SNU13: variants seen among roughly 807,000 people sequenced by gnomAD.
SNU13 encodes small nuclear ribonucleoprotein 13.
Under a neutral mutation model 12.4 loss-of-function variants are expected in SNU13, and 2 were observed. That is an observed-to-expected ratio of 0.16 (90% CI 0.07 to 0.51). The LOEUF is 0.51. Among genes scored for constraint, SNU13 ranks in the 20% least tolerant of loss-of-function variants. The pLI is 0.96. For missense variants in SNU13, 66 were observed against 157.8 expected (o/e 0.42, Z 3.12); for synonymous variants, 68 against 66.5 (o/e 1.02, Z -0.11).
chr22:41,674,172 TG>T lies in SNU13; in HGVS notation c.*760del, dbSNP rs2068189739. The T allele has an allele frequency of 6.6e-6, 1 of 152,492 alleles. No homozygotes were observed. The highest frequency in any genetic ancestry group is 1.5e-5 in the Non-Finnish European group (1 of 68,092). 9.4% of individuals were successfully genotyped at this position (152,492 alleles called of 1,614,324 possible). On this transcript the variant is annotated 3_prime_UTR_variant, in exon 3 of 3. Coordinates refer to ENST00000401959, the MANE Select transcript of SNU13 (RefSeq NM_001003796.2). ...ACCAGCCAGGTCTCCATGATCTTCCTGGAATCCTTCATGCCAGCATCAGTTC... is the reference window on the plus strand; with the variant it reads ...ACCAGCCAGGTCTCCATGATCTTCCTGAATCCTTCATGCCAGCATCAGTTC...
rs752590025 is a variant in SNU13 at position 41,674,893 on chromosome 22, G to A, written c.*40C>T. The A allele has an allele frequency of 6.9e-6, 11 of 1,601,540 alleles. No homozygotes were observed. Among genetic ancestry groups the A allele is most frequent in the East Asian group, 4.5e-5 (2 of 44,592 alleles). On this transcript the variant is annotated 3_prime_UTR_variant, in exon 3 of 3. Coordinates refer to ENST00000401959, the MANE Select transcript of SNU13 (RefSeq NM_001003796.2). ...CAGATAATATGATACACAACCTCAG[G>A]GGGGAAGCTGGCAGGGAGCACGTGG...
At chr22:41,675,425 CTTCT>C (rs2068203435) in intron 2 of SNU13, among the ~76,000 whole-genome samples, 2 of 151,836 alleles carry the variant, frequency 1.3e-5, no homozygotes, top group African/African-American at 2.4e-5. Context: ...ACTTCTTCTT[CTTCT>C]TTTTTTTTTT....
intron 2 of SNU13, among the ~76,000 whole-genome samples, chr22:41,679,331 T>C (rs187625303): frequency 5.9e-5 from 9 of 151,970 alleles, no homozygotes; most frequent in African/African-American, 1.9e-4. Context: ...CCAAGGCAGG[T>C]AGATCACCTG....
chr22:41,682,680 TCATA>T, intron 1 of SNU13: 1 of 726,642 alleles, frequency 1.4e-6, no homozygotes, highest in South Asian at 2.3e-5. Context: ...TTTCTCTTCC[TCATA>T]CATTTATTTA....
At chr22:41,679,169 G>T (rs1351794813) in intron 2 of SNU13, among the ~76,000 whole-genome samples, 1 of 152,144 alleles carries the variant, frequency 6.6e-6, no homozygotes, top group Non-Finnish European at 1.5e-5. Context: ...AGAATTTTGG[G>T]AGGCCAAGGC....
At chr22:41,688,893 A>C, upstream of SNU13, 1 of 1,488,284 alleles carries the variant, frequency 6.7e-7, no homozygotes. Flanking sequence ...GCAGCAGCGG[A>C]AATGGCCCCG....
intron 1 of SNU13, among the ~76,000 whole-genome samples, chr22:41,686,640 T>G (rs189484045): frequency 3.6e-4 from 55 of 151,146 alleles, no homozygotes; most frequent in Non-Finnish European, 6.9e-4. Flanking sequence ...GGATTTTTTT[T>G]TTCTTTGACA....
At chr22:41,683,886 G>C (rs1029974596) in intron 1 of SNU13, among the ~76,000 whole-genome samples, 1 of 151,886 alleles carries the variant, frequency 6.6e-6, no homozygotes, top group Non-Finnish European at 1.5e-5. Flanking sequence ...ACACACAGGA[G>C]TTTAGGAGCA....
upstream of SNU13, among the ~76,000 whole-genome samples, chr22:41,689,979 CAAA>C (rs770945331): frequency 4.1e-5 from 4 of 97,906 alleles, no homozygotes; most frequent in Admixed American, 1.1e-4. Flanking sequence ...AACTCGGTCT[CAAA>C]AAAAAAAAAA....
At chr22:41,675,657 A>G (rs1225810945) in intron 2 of SNU13, among the ~76,000 whole-genome samples, 1 of 150,748 alleles carries the variant, frequency 6.6e-6, no homozygotes, top group East Asian at 2.0e-4. Context: ...CCTGACCTCA[A>G]GTGATCCACC....
At chr22:41,687,203 C>T (rs1361239812) in intron 1 of SNU13, among the ~76,000 whole-genome samples, 1 of 151,936 alleles carries the variant, frequency 6.6e-6, no homozygotes, top group East Asian at 1.9e-4. Context: ...ATGATCCACC[C>T]GCCTCAGCCT....
intron 1 of SNU13, chr22:41,682,362 G>A: frequency 1.2e-6 from 2 of 1,613,962 alleles, no homozygotes. Context: ...TCACCATAGC[G>A]TCTGTCTTGG....
intron 1 of SNU13, chr22:41,682,575 G>A: frequency 6.9e-7 from 1 of 1,448,906 alleles, no homozygotes; most frequent in Non-Finnish European, 9.1e-7. Flanking sequence ...AATTTGTCTT[G>A]GTCCCAGGAC....
At chr22:41,689,010 G>T, upstream of SNU13, 1 of 1,319,356 alleles carries the variant, frequency 7.6e-7, no homozygotes, top group Non-Finnish European at 9.7e-7. Context: ...GTACTTTGGC[G>T]TTCTTATGAG....
rs1237021418 is a variant in SNU13 at position 41,673,997 on chromosome 22, TCTC to T, written c.*933_*935del. On this transcript the variant is annotated 3_prime_UTR_variant, in exon 3 of 3. Coordinates refer to ENST00000401959, the MANE Select transcript of SNU13 (RefSeq NM_001003796.2). ...GAATGGAGAACACATGAACTAGCAC[TCTC>T]CTCATGTGACAGAGAGTACATCTGA... 6.6e-6 allele frequency: 1 copy of T among 152,124 alleles called. No homozygotes were observed. The highest frequency in any genetic ancestry group is 1.5e-5 in the Non-Finnish European group (1 of 68,014). The allele number at this position is 152,124 out of a possible 1,614,324, so 9.4% of individuals were successfully genotyped here.
chr22:41,677,354 T>C (rs1431153935), intron 2 of SNU13, among the ~76,000 whole-genome samples: 1 of 151,878 alleles, frequency 6.6e-6, no homozygotes, highest in Admixed American at 6.6e-5. Context: ...CAAAACCCCA[T>C]CTCTACTAAA....
intron 1 of SNU13, chr22:41,688,443 G>T (rs79307721): frequency 3.6e-6 from 1 of 279,440 alleles, no homozygotes; most frequent in Non-Finnish European, 6.6e-6. Context: ...AAAAAAAAAA[G>T]TTGGAGCCAA....
chr22:41,688,520 G>T (rs1371596084), intron 1 of SNU13, among the ~76,000 whole-genome samples: 1 of 152,174 alleles, frequency 6.6e-6, no homozygotes. Flanking sequence ...GCTGGGCCAT[G>T]CCCCCTCCGC....
chr22:41,677,567 T>C (rs1026454336), intron 2 of SNU13, among the ~76,000 whole-genome samples: 3 of 152,054 alleles, frequency 2.0e-5, no homozygotes, highest in African/African-American at 4.8e-5. Flanking sequence ...ACCTGACACA[T>C]GGCAAATGCA....
Sources: gnomAD v4.1 joint callset for allele counts (sites outside exome capture counted in the v4.1 genomes callset) on GRCh38, gnomAD v4.1.1 for gene constraint, MANE v1.5 for transcripts, NCBI Gene and HGNC (gene_info 2026-07-23, HGNC 2026-07-21) for gene names.